Variants in DPEP2 observed in about 807,000 individuals in gnomAD.
DPEP2 encodes the protein dipeptidase 2.
DPEP2 carries 45 observed loss-of-function variants against 51.8 expected under a neutral mutation model. The observed-to-expected ratio is 0.87, with a 90% CI of 0.68 to 1.11. The LOEUF (loss-of-function observed/expected upper bound fraction) is 1.11. DPEP2 is among the 50% of genes most tolerant of loss of function. The pLI is 0.00. For missense variants in DPEP2, 604 were observed against 631.9 expected, an observed-to-expected ratio of 0.96 and a Z score of 0.47; for synonymous variants, 255 against 262.7, an observed-to-expected ratio of 0.97 and a Z score of 0.28.
At chr16:67,993,318 A>G (rs947191501) in intron 1 of DPEP2, 61 bp from the exon 2 acceptor site, 1 of 1,327,060 alleles carries the variant, frequency 7.5e-7, no homozygotes, top group African/African-American at 1.5e-5. Flanking sequence ...GATTCAGGCC[A>G]CCTGGCGGCG....
chr16:67,995,679 A>G (rs931294975), intron 1 of DPEP2, among the ~76,000 whole-genome samples: 3 of 151,752 alleles, frequency 2.0e-5, no homozygotes, highest in African/African-American at 7.3e-5. Context: ...AAACATCACT[A>G]TGGGTGGGGC....
chr16:67,997,915 C>T (rs1454639525), intron 1 of DPEP2, among the ~76,000 whole-genome samples: 3 of 152,166 alleles, frequency 2.0e-5, no homozygotes, highest in South Asian at 2.1e-4. Context: ...TGAGTTTCCC[C>T]GCCTCTGCCT....
At chr16:67,993,834 A>AG (rs2032485921) in intron 1 of DPEP2, 1 of 985,402 alleles carries the variant, frequency 1.0e-6, no homozygotes, top group Non-Finnish European at 1.2e-6. Flanking sequence ...GGATTCAGGA[A>AG]GGGGCCCCCT....
At chr16:67,988,471 C>T (rs533078178) in intron 9 of DPEP2, among the ~76,000 whole-genome samples, 6 of 152,018 alleles carry the variant, frequency 3.9e-5, no homozygotes, top group Middle Eastern at 3.4e-3. Context: ...GGCATCATGG[C>T]GCACACCTGT....
At position 67,993,092 on chromosome 16, in the gene DPEP2, T is replaced by TG. The variant is rs547189498; in HGVS notation, c.120dup (p.Arg41GlnfsTer26). ...GGGGCGCCCAGCGTGGTGAGGGCTC[T>TG]GGGGGGGCCTGGCGTGGTGTAGGCA... On this transcript the variant is annotated frameshift_variant, in exon 2 of 11. Coordinates refer to ENST00000393847, the MANE Select transcript of DPEP2 (RefSeq NM_022355.4). LOFTEE classifies it high-confidence loss of function. The TG allele has an allele frequency of 2.4e-5, 38 of 1,568,690 alleles. No homozygotes were observed. Among genetic ancestry groups the TG allele is most frequent in the Admixed American group, 3.8e-5 (2 of 53,018 alleles).
At chr16:67,988,393 AAAAGAAAG>A (rs746468101) in intron 9 of DPEP2, among the ~76,000 whole-genome samples, 5 of 150,126 alleles carry the variant, frequency 3.3e-5, no homozygotes, top group African/African-American at 7.5e-5. Context: ...AAAAAGACAA[AAAAGAAAG>A]AAAGAAAGAA....
In DPEP2 at chr16:67,992,606, C is replaced by G. The variant is rs1329534074; in HGVS notation, c.294G>C (p.Gln98His). ...GHNDLPLVLR[Q>H]VYQKGLQDVN... ...CATCCTGTAGCCCTTTCTGGTAAAC[C>G]TGCCTTAGGACCAGGGGCAGGTCGT... The change falls in exon 3 of 11, where the codon CAG becomes CAC. Residue 98 changes from glutamine (Q) to histidine (H), a missense_variant. Physicochemically the swap from Gln to His is conservative, Grantham distance 24. Transcript: ENST00000393847. 1 of 1,614,124 alleles carries G rather than the reference C, an allele frequency of 6.2e-7. No homozygotes were observed. Among genetic ancestry groups the G allele is most frequent in the Non-Finnish European group, 8.5e-7 (1 of 1,179,978 alleles).
chr16:67,993,058 T>G lies in DPEP2; in HGVS notation c.155A>C (p.His52Pro). 6.3e-7 allele frequency: 1 copy of G among 1,578,510 alleles called. No homozygotes were observed. The stretch of plus-strand genomic sequence containing the variant: ...GGGAGCGTAGGTGCCCGGCATGGTG[T>G]GGGCTCTGGGGGCGCCCAGCGTGGT... Reference protein sequence around the residue: ...ALTTLGAPRAHTMPGTYAPST... With the variant: ...ALTTLGAPRAPTMPGTYAPST... The change falls in exon 2 of 11, where the codon CAC becomes CCC. Residue 52 changes from histidine (H) to proline (P), a missense_variant. By Grantham distance (77) the His-to-Pro change is moderately conservative. Transcript: ENST00000393847.
chr16:67,990,240 T>G, intron 7 of DPEP2, 109 bp from the exon 8 acceptor site: 1 of 1,021,254 alleles, frequency 9.8e-7, no homozygotes, highest in Non-Finnish European at 1.5e-6. Flanking sequence ...ACTTCAGGAG[T>G]CAGCAGAAAC....
At position 67,990,129 on chromosome 16, in the gene DPEP2, C is replaced by A. The variant is rs372203515; in HGVS notation, c.912G>T (p.Lys304Asn). The A allele has an allele frequency of 3.3e-3, 5,336 of 1,614,084 alleles. 205 individuals carry two copies. The South Asian group carries it at 0.056, about 17-fold the overall frequency. The change falls in exon 8 of 11, where the codon AAG (lysine) becomes AAT (asparagine). Residue 304 changes from lysine (K) to asparagine (N), a missense_variant and splice_region_variant. Transcript: ENST00000393847. ...NVPDDILQLL[K>N]KNGGVVMVSL... ...ACACCATCACGACGCCACCGTTCTT[C>A]TTCTGCAGGGGCGGGCAAGTGGACA...
rs1475116933 is a variant in DPEP2, at chr16:67,991,105, G to C, written c.732+10C>G. On this transcript the variant is annotated intron_variant, in intron 6 of 10. Transcript: ENST00000393847. The surrounding 1 kb of genome is among the most constrained non-coding windows in gnomAD (Gnocchi z 5.1). ...TTTGTTTGGGGTGGAGTGTGAACCA[G>C]GGTCCTCACCTCACCAAAGTCAGTC... 1 of 1,614,204 alleles carries C rather than the reference G, an allele frequency of 6.2e-7. No individual in the cohort carries two copies.
intron 1 of DPEP2, chr16:67,994,358 CG>C (rs2032537170): frequency 1.0e-6 from 1 of 985,018 alleles, no homozygotes. Context: ...CCTTCCTTGA[CG>C]ACAGGCCCCA....
At chr16:67,988,985 G>T (rs2031786071) in intron 9 of DPEP2, among the ~76,000 whole-genome samples, 1 of 152,158 alleles carries the variant, frequency 6.6e-6, no homozygotes, top group South Asian at 2.1e-4. Context: ...AAGAAAAGGA[G>T]AAGGAGAAGG....
Position 67,991,152 on chromosome 16 carries a change from A to G in DPEP2, c.695T>C (p.Phe232Ser), listed in dbSNP as rs2032099966. ...AESSAKGVHSFYNNISGLTDF... is the reference protein window; with the variant it reads ...AESSAKGVHSSYNNISGLTDF... ...AGTCAGCCCGCTGATGTTGTTGTAG[A>G]AGGAGTGGACGCCCTTAGCGGAGCT... The change falls in exon 6 of 11, where the codon TTC becomes TCC. Residue 232 changes from phenylalanine to serine, a missense_variant. By Grantham distance (155) the Phe-to-Ser change is radical. Transcript: ENST00000393847. The surrounding 1 kb of genome is among the most constrained non-coding windows in gnomAD (Gnocchi z 5.1). The G allele has an allele frequency of 3.1e-6, 5 of 1,613,900 alleles. No homozygotes were observed. Among genetic ancestry groups the G allele is most frequent in the Non-Finnish European group, 4.2e-6 (5 of 1,180,014 alleles).
intron 1 of DPEP2, among the ~76,000 whole-genome samples, chr16:67,995,771 T>G (rs1308817323): frequency 6.6e-6 from 1 of 151,978 alleles, no homozygotes; most frequent in African/African-American, 2.4e-5. Context: ...CGAGACCAGC[T>G]TGGCCAACAT....
Position 67,987,434 on chromosome 16 carries a change from C to T in DPEP2, c.*72G>A. 6.5e-7 allele frequency: 1 copy of T among 1,544,994 alleles called. No individual in the cohort carries two copies. The highest frequency in any genetic ancestry group is 8.8e-7 in the Non-Finnish European group (1 of 1,139,660). ...CATTTATTTCAGGAAATATTTGTGC[C>T]TGCACAACAGGGGAACTTTGTGGGG... On this transcript the variant is annotated 3_prime_UTR_variant, in exon 11 of 11. Transcript: ENST00000393847.
chr16:67,991,806 C>T lies in DPEP2; in HGVS notation c.662+32G>A. 1.2e-6 allele frequency: 2 copies of T among 1,608,984 alleles called. No individual in the cohort carries two copies. The highest frequency in any genetic ancestry group is 4.5e-5 in the East Asian group (2 of 44,776). On this transcript the variant is annotated intron_variant, in intron 5 of 10. Transcript: ENST00000393847. This position sits in a 1 kb window ranked among gnomAD's most constrained non-coding sequence, Gnocchi z 5.1. ...CTCAGGCAGATCTCTGCCCCTGCCT[C>T]AGCGGTCCCACACCATCTGCACTAG...
Position 67,991,157 on chromosome 16 carries a change from G to A in DPEP2, c.690C>T (p.His230=), listed in dbSNP as rs756444351. The stretch of plus-strand genomic sequence containing the variant: ...GCCCGCTGATGTTGTTGTAGAAGGA[G>A]TGGACGCCCTTAGCGGAGCTCTCTG... ...PWAESSAKGV[H]SFYNNISGLT... is the part of the protein sequence containing the mutation. Residue 230 remains histidine (H), a synonymous_variant, in exon 6 of 11, where the codon CAC becomes CAT. Coordinates refer to ENST00000393847, the MANE Select transcript of DPEP2 (RefSeq NM_022355.4). The surrounding 1 kb of genome is among the most constrained non-coding windows in gnomAD (Gnocchi z 5.1). The A allele has an allele frequency of 2.5e-6, 4 of 1,613,830 alleles. No individual in the cohort carries two copies. Among genetic ancestry groups the A allele is most frequent in the Non-Finnish European group, 3.4e-6 (4 of 1,180,040 alleles).
At chr16:67,998,872 G>A (rs989231168) in intron 1 of DPEP2, among the ~76,000 whole-genome samples, 1 of 152,094 alleles carries the variant, frequency 6.6e-6, no homozygotes. Flanking sequence ...CCTTTGTGTC[G>A]ACACTCTGTA....
Sources: gnomAD v4.1 joint callset for allele counts (sites outside exome capture counted in the v4.1 genomes callset) on GRCh38, gnomAD v4.1.1 for gene constraint, Gnocchi (gnomAD v3.1) non-coding constraint, MANE v1.5 for transcripts, NCBI Gene and HGNC (gene_info 2026-07-23, HGNC 2026-07-21) for gene names.